KCNJ16: variants seen among roughly 807,000 people sequenced by gnomAD.
The protein encoded by KCNJ16 is inward rectifier potassium channel 16.
In KCNJ16, 15 loss-of-function variants were observed where a neutral mutation model predicts 18.5. The observed-to-expected ratio is 0.81, with a 90% CI of 0.54 to 1.25. KCNJ16 has a LOEUF of 1.25. Ranked by LOEUF, KCNJ16 falls within the 50% of genes most tolerant of loss-of-function variation. The probability of loss-of-function intolerance (pLI) is 0.00; values close to 1 mark genes in which losing one functional copy is unlikely to be tolerated. For synonymous variants in KCNJ16, 174 were observed against 186.5 expected (o/e 0.93, Z 0.55); for missense variants, 523 against 525.7 (o/e 0.99, Z 0.05).
At chr17:70,095,063 T>A (rs1411612177) in intron 1 of KCNJ16, among the ~76,000 whole-genome samples, 1 of 152,236 alleles carries the variant, frequency 6.6e-6, no homozygotes. Flanking sequence ...ATTATTTTCT[T>A]GATTCAACTT....
intron 2 of KCNJ16, chr17:70,101,427 C>T (rs1339606906): frequency 6.6e-6 from 1 of 152,166 alleles, no homozygotes; most frequent in Non-Finnish European, 1.5e-5. Flanking sequence ...TTATATCTAT[C>T]TGTCTCTAGC....
At chr17:70,076,986 A>G (rs2071341305) in intron 1 of KCNJ16, among the ~76,000 whole-genome samples, 1 of 152,220 alleles carries the variant, frequency 6.6e-6, no homozygotes, top group Non-Finnish European at 1.5e-5. Flanking sequence ...TGGAACTGTC[A>G]AAGAAGTCTT....
chr17:70,098,445 G>T (rs1318268410), intron 1 of KCNJ16, among the ~76,000 whole-genome samples: 1 of 151,494 alleles, frequency 6.6e-6, no homozygotes, highest in Non-Finnish European at 1.5e-5. Flanking sequence ...CTGAGTTATA[G>T]GAAAACAATT....
chr17:70,099,256 T>A (rs888231414), intron 1 of KCNJ16, among the ~76,000 whole-genome samples: 1 of 151,986 alleles, frequency 6.6e-6, no homozygotes, highest in Non-Finnish European at 1.5e-5. Flanking sequence ...TCAAGGAAAA[T>A]AATATAATGG....
At chr17:70,108,844 GA>G (rs1886315488) in intron 2 of KCNJ16, among the ~76,000 whole-genome samples, 1 of 152,058 alleles carries the variant, frequency 6.6e-6, no homozygotes, top group Non-Finnish European at 1.5e-5. Context: ...GCTTGACATT[GA>G]TAACTGTTTA....
intron 2 of KCNJ16, among the ~76,000 whole-genome samples, chr17:70,118,448 GA>G (rs1489359628): frequency 2.0e-5 from 3 of 151,760 alleles, no homozygotes; most frequent in African/African-American, 4.8e-5. Flanking sequence ...AATAAATGCT[GA>G]AAAAAAAGAA....
At chr17:70,091,288 A>G (rs2072079779) in intron 1 of KCNJ16, among the ~76,000 whole-genome samples, 1 of 152,190 alleles carries the variant, frequency 6.6e-6, no homozygotes, top group South Asian at 2.1e-4. Flanking sequence ...TGAAGTCAAA[A>G]CACAACTTAA....
chr17:70,095,205 A>ATAC (rs2072297767), intron 1 of KCNJ16, among the ~76,000 whole-genome samples: 1 of 152,198 alleles, frequency 6.6e-6, no homozygotes, highest in Non-Finnish European at 1.5e-5. Flanking sequence ...ATTTACCACC[A>ATAC]TACTATGTTT....
intron 1 of KCNJ16, among the ~76,000 whole-genome samples, chr17:70,080,978 C>G (rs1463773477): frequency 1.3e-5 from 2 of 152,208 alleles, no homozygotes; most frequent in Admixed American, 1.3e-4. Flanking sequence ...GCAAGACACA[C>G]TTAGCCATAT....
chr17:70,106,368 T>C (rs1416463658), intron 2 of KCNJ16, among the ~76,000 whole-genome samples: 2 of 152,194 alleles, frequency 1.3e-5, no homozygotes, highest in African/African-American at 4.8e-5. Context: ...ATCTATATCT[T>C]AGATATTATT....
Position 70,131,080 on chromosome 17 carries a change from A to T in KCNJ16, c.-94+105A>T. 3.3e-6 allele frequency: 4 copies of T among 1,204,980 alleles called. No individual in the cohort carries two copies. In the South Asian group the frequency reaches 5.2e-5, roughly 16 times the overall value. The allele number at this position is 1,204,980 out of a possible 1,614,324, so 74.6% of individuals were successfully genotyped here. On this transcript the variant is annotated intron_variant, in intron 3 of 3. Coordinates refer to ENST00000392671, the MANE Select transcript of KCNJ16 (RefSeq NM_170741.4). ...TGAAAGTATCAGGAAAACACTGAAAAGCCGGAGAGAAGGGTTCAATTGTAG... is the reference window on the plus strand; with the variant it reads ...TGAAAGTATCAGGAAAACACTGAAATGCCGGAGAGAAGGGTTCAATTGTAG...
chr17:70,098,287 G>A (rs1188642536), intron 1 of KCNJ16, among the ~76,000 whole-genome samples: 1 of 152,114 alleles, frequency 6.6e-6, no homozygotes, highest in Admixed American at 6.5e-5. Flanking sequence ...ATTCACTGGA[G>A]AACAAAAGCA....
At chr17:70,106,706 A>G (rs564369742) in intron 2 of KCNJ16, among the ~76,000 whole-genome samples, 75 of 152,298 alleles carry the variant, frequency 4.9e-4, no homozygotes, top group Non-Finnish European at 1.0e-3. Context: ...TTCAGCTTTC[A>G]GACATCCACA....
intron 2 of KCNJ16, among the ~76,000 whole-genome samples, chr17:70,126,215 G>A (rs2073850015): frequency 6.6e-6 from 1 of 152,162 alleles, no homozygotes; most frequent in South Asian, 2.1e-4. Flanking sequence ...GAATGCTTTT[G>A]TTCTTAAGAT....
intron 2 of KCNJ16, among the ~76,000 whole-genome samples, chr17:70,124,765 G>A (rs1288226503): frequency 3.9e-5 from 6 of 152,160 alleles, no homozygotes; most frequent in Admixed American, 1.3e-4. Flanking sequence ...ATCACCTTGT[G>A]GATTTCTTTA....
rs1180736688 is a variant in KCNJ16 at position 70,133,138 on chromosome 17, C to G, written c.1051C>G (p.Leu351Val). The change falls in exon 4 of 4, where the codon CTC (leucine) becomes GTC (valine). Residue 351 changes from leucine (L) to valine (V), a missense_variant. Coordinates refer to ENST00000392671, the MANE Select transcript of KCNJ16 (RefSeq NM_170741.4). ...AKQLDWKDQQ[L>V]HIEKAPPVRE... Reference sequence around the variant, plus strand: ...GCAATTGGACTGGAAAGACCAGCAGCTCCACATAGAAAAAGCACCACCAGT... The same window carrying G: ...GCAATTGGACTGGAAAGACCAGCAGGTCCACATAGAAAAAGCACCACCAGT... 12 of 1,614,170 alleles carry G rather than the reference C, an allele frequency of 7.4e-6. No individual in the cohort carries two copies. Among genetic ancestry groups the G allele is most frequent in the African/African-American group, 1.3e-5 (1 of 75,022 alleles).
chr17:70,128,483 T>G (rs375608679), intron 2 of KCNJ16, among the ~76,000 whole-genome samples: 1 of 152,122 alleles, frequency 6.6e-6, no homozygotes, highest in Admixed American at 6.5e-5. Context: ...TCAGTGTCTG[T>G]GGGTATTTAA....
At chr17:70,109,992 G>A (rs1459139246) in intron 2 of KCNJ16, among the ~76,000 whole-genome samples, 1 of 152,136 alleles carries the variant, frequency 6.6e-6, no homozygotes, top group African/African-American at 2.4e-5. Flanking sequence ...CCTCTTCAAA[G>A]GGGAAGGCAC....
rs1262640023 is a variant in KCNJ16 at position 70,132,914 on chromosome 17, T to C, written c.827T>C (p.Phe276Ser). ...LDRKAVAKDN[F>S]EILVTFIYTG... is the part of the protein sequence containing the mutation. ...CGCAAAGCAGTAGCCAAAGATAACTTTGAGATTTTGGTGACATTTATCTAT... is the reference window on the plus strand; with the variant it reads ...CGCAAAGCAGTAGCCAAAGATAACTCTGAGATTTTGGTGACATTTATCTAT... Residue 276 changes from phenylalanine to serine, a missense_variant, in exon 4 of 4, where the codon TTT (phenylalanine) becomes TCT (serine). By Grantham distance (155) the Phe-to-Ser change is radical (BLOSUM62 -2). Coordinates refer to ENST00000392671, the MANE Select transcript of KCNJ16 (RefSeq NM_170741.4). The C allele has an allele frequency of 6.2e-7, 1 of 1,614,130 alleles. No homozygotes were observed. The highest frequency in any genetic ancestry group is 1.3e-5 in the African/African-American group (1 of 75,026).
Sources: gnomAD v4.1 joint callset for allele counts (sites outside exome capture counted in the v4.1 genomes callset) on GRCh38, gnomAD v4.1.1 for gene constraint, MANE v1.5 for transcripts, NCBI Gene and HGNC (gene_info 2026-07-23, HGNC 2026-07-21) for gene names.